Variants in CBFA2T3 observed in about 807,000 individuals in gnomAD.
CBFA2T3 encodes the protein CBFA2/RUNX1 partner transcriptional co-repressor 3.
Under a neutral mutation model 58.6 loss-of-function variants are expected in CBFA2T3, and 31 were observed. That is an observed-to-expected ratio of 0.53 (90% CI 0.40 to 0.71). The LOEUF is 0.71. Ranked by LOEUF, CBFA2T3 falls within the 30% of genes least tolerant of loss-of-function variation. CBFA2T3 has a pLI of 0.00. For synonymous variants in CBFA2T3, 531 were observed against 421.9 expected (o/e 1.26, Z -3.17); for missense variants, 1,076 against 963.1 (o/e 1.12, Z -1.55).
intron 1 of CBFA2T3, among the ~76,000 whole-genome samples, chr16:88,975,181 T>TATCAAAGGCCCACCCTGACC (rs1567643999): frequency 2.1e-5 from 1 of 47,760 alleles, no homozygotes; most frequent in African/African-American, 5.1e-5. Flanking sequence ...CTGCTCCACA[T>TATCAAAGGCCCACCCTGACC]CTTTAGCCAT....
At chr16:88,922,033 G>A (rs931748148) in intron 1 of CBFA2T3, among the ~76,000 whole-genome samples, 22 of 152,360 alleles carry the variant, frequency 1.4e-4, no homozygotes, top group African/African-American at 5.0e-4. Context: ...AGGGTGAGCC[G>A]TGAGCCCAGG....
At chr16:88,943,814 A>AG (rs1198121138) in intron 1 of CBFA2T3, among the ~76,000 whole-genome samples, 2 of 152,148 alleles carry the variant, frequency 1.3e-5, no homozygotes, top group Non-Finnish European at 2.9e-5. Flanking sequence ...GGGCATTTCG[A>AG]GGGGACATTT....
intron 1 of CBFA2T3, among the ~76,000 whole-genome samples, chr16:88,962,446 G>A (rs139281775): frequency 6.6e-6 from 1 of 152,364 alleles, no homozygotes; most frequent in African/African-American, 2.4e-5. Flanking sequence ...TGGGGTCACT[G>A]TCCTGTGGGG....
At chr16:88,971,437 A>T (rs935424684) in intron 1 of CBFA2T3, among the ~76,000 whole-genome samples, 2 of 152,188 alleles carry the variant, frequency 1.3e-5, no homozygotes, top group Admixed American at 6.5e-5. Flanking sequence ...ATGGTGACCC[A>T]GCCACTCTCT....
Position 88,898,158 on chromosome 16 carries a change from A to G in CBFA2T3, c.305-6T>C, listed in dbSNP as rs1031184864. On this transcript the variant is annotated splice_region_variant and splice_polypyrimidine_tract_variant and intron_variant, in intron 2 of 11. Transcript: ENST00000268679. ...CGCAGGCCCGTCCTCTCGATCTGTAAGCAAAATAAGAAGAACACGCTGTCA... is the reference window on the plus strand; with the variant it reads ...CGCAGGCCCGTCCTCTCGATCTGTAGGCAAAATAAGAAGAACACGCTGTCA... The G allele has an allele frequency of 6.2e-7, 1 of 1,610,400 alleles. No homozygotes were observed. The highest frequency in any genetic ancestry group is 1.7e-5 in the Admixed American group (1 of 60,020).
intron 3 of CBFA2T3, among the ~76,000 whole-genome samples, chr16:88,895,956 A>G (rs1969872073): frequency 6.6e-6 from 1 of 152,150 alleles, no homozygotes; most frequent in Non-Finnish European, 1.5e-5. Context: ...TCCAGGGACC[A>G]GAGGACAGCA....
chr16:88,884,835 G>T, intron 7 of CBFA2T3: 1 of 470,378 alleles, frequency 2.1e-6, no homozygotes, highest in Non-Finnish European at 3.8e-6. Context: ...CGCCCACCCC[G>T]GGGGGAGAGG....
chr16:88,889,520 G>A (rs569705836), intron 5 of CBFA2T3, among the ~76,000 whole-genome samples: 111 of 152,088 alleles, frequency 7.3e-4, no homozygotes, highest in East Asian at 2.9e-3. Flanking sequence ...CGACCAGGGC[G>A]TTTGGAATTT....
At position 88,876,764 on chromosome 16, in the gene CBFA2T3, G is replaced by A; in HGVS notation, c.*212C>T. The A allele has an allele frequency of 2.1e-6, 1 of 481,468 alleles. No individual in the cohort carries two copies. 29.8% of individuals were successfully genotyped at this position (481,468 alleles called of 1,614,324 possible). A position where few individuals can be genotyped will look rare whatever the true frequency, so the allele number is the denominator to read the frequency against. ...CTCCGCGCGGAATCATTAGGTAGCTGAGGCAGGTGCACTGAATGCGGTTTT... is the reference window on the plus strand; with the variant it reads ...CTCCGCGCGGAATCATTAGGTAGCTAAGGCAGGTGCACTGAATGCGGTTTT... On this transcript the variant is annotated 3_prime_UTR_variant, in exon 12 of 12. Transcript: ENST00000268679.
chr16:88,912,077 C>T (rs1465614913), intron 1 of CBFA2T3, among the ~76,000 whole-genome samples: 6 of 152,270 alleles, frequency 3.9e-5, no homozygotes, highest in South Asian at 2.1e-4. Flanking sequence ...AAACTCCCTC[C>T]GGGCCCCGGC....
At chr16:88,932,712 C>T (rs1403732502) in intron 1 of CBFA2T3, among the ~76,000 whole-genome samples, 3 of 140,654 alleles carry the variant, frequency 2.1e-5, no homozygotes, top group South Asian at 4.6e-4. Flanking sequence ...CTTTGGGAGG[C>T]TGAGGCAGGT....
In CBFA2T3 at chr16:88,949,036, A is replaced by C. The variant is rs192372213; in HGVS notation, c.151+27621T>G. ...CCCATGTGGGGAAAATGAATTATATACTCCTTACTTCACTTGGAAAAATAA... is the reference window on the plus strand; with the variant it reads ...CCCATGTGGGGAAAATGAATTATATCCTCCTTACTTCACTTGGAAAAATAA... On this transcript the variant is annotated intron_variant, in intron 1 of 11. Coordinates refer to ENST00000268679, the MANE Select transcript of CBFA2T3 (RefSeq NM_005187.6). 3.5e-4 allele frequency among the ~76,000 whole-genome samples: 53 copies of C among 152,232 alleles called. 1 individual carries two copies. Among genetic ancestry groups the C allele is most frequent in the Middle Eastern group, 3.4e-3 (1 of 294 alleles).
intron 1 of CBFA2T3, among the ~76,000 whole-genome samples, chr16:88,946,702 C>A (rs1286915050): frequency 1.3e-5 from 2 of 152,062 alleles, no homozygotes; most frequent in Admixed American, 6.6e-5. Flanking sequence ...AGGCTGGTCT[C>A]GAACTCCTGA....
intron 1 of CBFA2T3, among the ~76,000 whole-genome samples, chr16:88,919,145 CCA>C (rs1970832292): frequency 6.6e-6 from 1 of 152,160 alleles, no homozygotes; most frequent in African/African-American, 2.4e-5. Context: ...TCTCAGCATT[CCA>C]CAAATTACTT....
At chr16:88,941,561 T>C (rs1971732692) in intron 1 of CBFA2T3, among the ~76,000 whole-genome samples, 1 of 146,708 alleles carries the variant, frequency 6.8e-6, no homozygotes, top group African/African-American at 2.5e-5. Flanking sequence ...GGGCCGGGGC[T>C]GTGCGGAGCG....
intron 1 of CBFA2T3, among the ~76,000 whole-genome samples, chr16:88,968,177 G>A (rs1972561176): frequency 6.6e-6 from 1 of 152,206 alleles, no homozygotes; most frequent in Non-Finnish European, 1.5e-5. Flanking sequence ...CTGGTGAGAG[G>A]CCGAATAAGG....
At chr16:88,878,061 G>C (rs963590456) in intron 11 of CBFA2T3, among the ~76,000 whole-genome samples, 5 of 152,192 alleles carry the variant, frequency 3.3e-5, no homozygotes, top group African/African-American at 1.2e-4. Flanking sequence ...CCCCGCTCCA[G>C]GCCCTGGCCC....
chr16:88,879,086 C>T (rs1391288379), intron 11 of CBFA2T3, among the ~76,000 whole-genome samples, 184 bp downstream of exon 11: 2 of 152,268 alleles, frequency 1.3e-5, no homozygotes, highest in Admixed American at 6.5e-5. Context: ...GGACGCCTCA[C>T]TGAACCATGT....
In CBFA2T3 at chr16:88,953,587, T is replaced by C. The variant is rs567462025; in HGVS notation, c.151+23070A>G. 6.6e-6 allele frequency among the ~76,000 whole-genome samples: 1 copy of C among 152,164 alleles called. No individual in the cohort carries two copies. Among genetic ancestry groups the C allele is most frequent in the South Asian group, 2.1e-4 (1 of 4,800 alleles). ...GATCGGAATGTAGAGGCCTGGGGGC[T>C]CCCGGCTGGGGACAGTGCCAGCAGG... On this transcript the variant is annotated intron_variant, in intron 1 of 11. Transcript: ENST00000268679. This position sits in a 1 kb window ranked among gnomAD's most constrained non-coding sequence, Gnocchi z 4.9.
Sources: allele counts gnomAD v4.1 joint callset (sites outside exome capture counted in the v4.1 genomes callset), GRCh38; gene constraint gnomAD v4.1.1; non-coding constraint Gnocchi (gnomAD v3.1); transcripts MANE v1.5; gene names NCBI Gene and HGNC (gene_info 2026-07-23, HGNC 2026-07-21).